LEKR1: variants seen among roughly 807,000 people sequenced by gnomAD.
LEKR1 encodes the protein protein LEKR1.
LEKR1 carries 59 observed loss-of-function variants against 72.4 expected under a neutral mutation model. The observed-to-expected ratio is 0.82, with a 90% confidence interval of 0.66 to 1.01. The LOEUF is 1.01. LEKR1 is among the 50% of genes least tolerant of loss of function. LEKR1 has a pLI of 0.00. For synonymous variants in LEKR1, 257 were observed against 263.2 expected (o/e 0.98, Z 0.23); for missense variants, 728 against 759.2 (o/e 0.96, Z 0.48).
rs747253978 is a variant in LEKR1, at chr3:156,988,345, G to A, written c.828-4308G>A. On this transcript the variant is annotated intron_variant, in intron 7 of 12. Transcript: ENST00000356539. ...CTTCCACTTAGGGCCCAGCCTCTGG[G>A]TCAGCTGATTAATCTGCCAGTTTGT... 4.7e-4 allele frequency: 105 copies of A among 223,802 alleles called. 1 individual carries two copies. The highest frequency in any genetic ancestry group is 8.6e-4 in the Non-Finnish European group (91 of 105,480). 13.9% of individuals were successfully genotyped at this position (223,802 alleles called of 1,614,324 possible).
At chr3:156,892,014 A>G (rs1360945902) in intron 3 of LEKR1, among the ~76,000 whole-genome samples, 2 of 152,064 alleles carry the variant, frequency 1.3e-5, no homozygotes, top group Non-Finnish European at 2.9e-5. Flanking sequence ...TTATAAGCCT[A>G]CTATTAAAGG....
intron 6 of LEKR1, among the ~76,000 whole-genome samples, chr3:156,959,621 C>T (rs1219331139): frequency 6.6e-6 from 1 of 152,030 alleles, no homozygotes; most frequent in Non-Finnish European, 1.5e-5. Flanking sequence ...TATTGCAATC[C>T]CTTCATTCAT....
Position 156,851,202 on chromosome 3 carries a change from G to T in LEKR1, c.49-1566G>T, listed in dbSNP as rs542058919. 3 of 152,246 alleles carry T rather than the reference G, an allele frequency of 2.0e-5. No individual in the cohort carries two copies. The East Asian group carries it at 5.8e-4, about 29-fold the overall frequency. The allele number at this position is 152,246 out of a possible 1,614,324, so 9.4% of individuals were successfully genotyped here. A position where few individuals can be genotyped will look rare whatever the true frequency, so the allele number is the denominator to read the frequency against. On this transcript the variant is annotated intron_variant, in intron 2 of 12. Transcript: ENST00000356539. ...AGAAATTCAGCTGAAGAAATTGTAA[G>T]TGTTGACCTAGAGAAGAGAAGACAT... is the stretch of plus-strand genomic sequence containing the variant.
intron 3 of LEKR1, among the ~76,000 whole-genome samples, chr3:156,879,806 G>T (rs1430583437): frequency 4.6e-5 from 7 of 152,238 alleles, no homozygotes; most frequent in African/African-American, 1.7e-4. Flanking sequence ...TACAGCTCGG[G>T]TTGTGGCTTC....
At chr3:156,957,333 A>G (rs1177595070) in intron 6 of LEKR1, among the ~76,000 whole-genome samples, 1 of 152,122 alleles carries the variant, frequency 6.6e-6, no homozygotes, top group Non-Finnish European at 1.5e-5. Flanking sequence ...CAGTTACATC[A>G]GAATAGGTGT....
intron 12 of LEKR1, among the ~76,000 whole-genome samples, chr3:157,035,866 C>G (rs1187396099): frequency 1.3e-5 from 2 of 152,152 alleles, no homozygotes; most frequent in Middle Eastern, 3.2e-3. Context: ...CCACTGCACT[C>G]CAGCCTGGGT....
chr3:156,995,855 A>T (rs1014455563), intron 9 of LEKR1, among the ~76,000 whole-genome samples: 6 of 152,160 alleles, frequency 3.9e-5, no homozygotes, highest in Admixed American at 6.6e-5. Flanking sequence ...TAAATTTTTT[A>T]AAAATGTCCT....
intron 9 of LEKR1, among the ~76,000 whole-genome samples, chr3:156,994,625 T>C (rs1731409502): frequency 6.6e-6 from 1 of 152,216 alleles, no homozygotes; most frequent in Non-Finnish European, 1.5e-5. Context: ...AAAGGAATGA[T>C]AGTTGAAAGA....
At chr3:156,950,809 A>C (rs1020549013) in intron 6 of LEKR1, among the ~76,000 whole-genome samples, 3 of 151,662 alleles carry the variant, frequency 2.0e-5, no homozygotes, top group Non-Finnish European at 4.4e-5. Context: ...TGTCATCTGC[A>C]AACAGAGATG....
intron 3 of LEKR1, among the ~76,000 whole-genome samples, chr3:156,897,929 G>A (rs1175657197): frequency 6.6e-6 from 1 of 151,366 alleles, no homozygotes; most frequent in Non-Finnish European, 1.5e-5. Flanking sequence ...CTCCAGCCTG[G>A]GTGACAAAGC....
At chr3:156,971,087 C>G (rs1729139837) in intron 6 of LEKR1, among the ~76,000 whole-genome samples, 1 of 152,268 alleles carries the variant, frequency 6.6e-6, no homozygotes, top group Non-Finnish European at 1.5e-5. Flanking sequence ...TGACTTCAAA[C>G]TATACTACAA....
chr3:157,034,301 C>A (rs1240042197), intron 12 of LEKR1, among the ~76,000 whole-genome samples: 2 of 152,120 alleles, frequency 1.3e-5, no homozygotes, highest in African/African-American at 4.8e-5. Context: ...AAATTCAAAA[C>A]CTTCTGGGAA....
At chr3:156,945,606 C>A (rs1305805608) in intron 6 of LEKR1, among the ~76,000 whole-genome samples, 1 of 151,648 alleles carries the variant, frequency 6.6e-6, no homozygotes, top group Non-Finnish European at 1.5e-5. Context: ...AATATTTAAT[C>A]CATTGTGATT....
chr3:156,959,177 T>C (rs1331687733), intron 6 of LEKR1, among the ~76,000 whole-genome samples: 1 of 152,186 alleles, frequency 6.6e-6, no homozygotes, highest in Non-Finnish European at 1.5e-5. Flanking sequence ...ATCAGGTTAA[T>C]ATAATGGACA....
chr3:156,896,369 TAATA>T (rs1236740304), intron 3 of LEKR1, among the ~76,000 whole-genome samples: 1 of 151,984 alleles, frequency 6.6e-6, no homozygotes, highest in African/African-American at 2.4e-5. Context: ...TTGAAAAAAA[TAATA>T]AATAAAATGG....
At chr3:156,909,314 TA>T (rs1456499962) in intron 3 of LEKR1, among the ~76,000 whole-genome samples, 1 of 152,200 alleles carries the variant, frequency 6.6e-6, no homozygotes, top group African/African-American at 2.4e-5. Flanking sequence ...AAATAGCTTG[TA>T]ATTTCCATTT....
chr3:156,924,829 C>T (rs780743134), intron 4 of LEKR1: 3 of 256,712 alleles, frequency 1.2e-5, no homozygotes, highest in Non-Finnish European at 2.2e-5. Flanking sequence ...CAGTGCCACA[C>T]TCTCTTAAGT....
intron 10 of LEKR1, among the ~76,000 whole-genome samples, chr3:157,021,721 C>T (rs924154940): frequency 5.3e-5 from 8 of 152,174 alleles, no homozygotes; most frequent in African/African-American, 1.9e-4. Context: ...TACTTGATAC[C>T]TTAGCACCTC....
intron 3 of LEKR1, among the ~76,000 whole-genome samples, chr3:156,895,129 A>G (rs550339674): frequency 6.6e-6 from 1 of 152,348 alleles, no homozygotes; most frequent in Admixed American, 6.5e-5. Flanking sequence ...GAATTTTTGC[A>G]ATCTATTCAT....
Sources: gnomAD v4.1 joint callset for allele counts (sites outside exome capture counted in the v4.1 genomes callset) on GRCh38, gnomAD v4.1.1 for gene constraint, MANE v1.5 for transcripts, NCBI Gene and HGNC (gene_info 2026-07-23, HGNC 2026-07-21) for gene names.